Variants in PRP4K observed in about 807,000 individuals in gnomAD.
PRP4K encodes pre-mRNA processing factor kinase PRP4K.
At chr6:4,037,082 A>G in the PRP4K span, among the ~76,000 whole-genome samples, 1 of 151,806 alleles carries the variant, frequency 6.6e-6, no homozygotes, top group Non-Finnish European at 1.5e-5. Context: ...GAGTAAATGG[A>G]GTATTATACT....
the PRP4K span, chr6:4,048,970 T>TGTTTTAAAGGAA: frequency 7.1e-7 from 1 of 1,413,132 alleles, no homozygotes. Context: ...GTGCGTTAAA[T>TGTTTTAAAGGAA]GTCTGACAAG....
At chr6:4,032,856 A>G in the PRP4K span, 6 of 1,253,916 alleles carry the variant, frequency 4.8e-6, no homozygotes, top group Non-Finnish European at 6.2e-6. Flanking sequence ...GTAAGTAAAA[A>G]TAAAAATAAA....
chr6:4,041,497 G>A, the PRP4K span, among the ~76,000 whole-genome samples: 3 of 152,120 alleles, frequency 2.0e-5, no homozygotes, highest in Admixed American at 6.6e-5. Context: ...AGGTTGAAGT[G>A]AGCTTGATCA....
the PRP4K span, among the ~76,000 whole-genome samples, chr6:4,029,542 G>A: frequency 2.6e-5 from 4 of 151,774 alleles, no homozygotes; most frequent in Non-Finnish European, 5.9e-5. Context: ...TAATAAAGAT[G>A]AGGTCTCACT....
the PRP4K span, chr6:4,048,930 C>A: frequency 2.6e-6 from 2 of 761,378 alleles, no homozygotes; most frequent in Non-Finnish European, 2.1e-6. Flanking sequence ...TAAATTATAT[C>A]TGGTGTTACC....
At chr6:4,031,328 C>T in the PRP4K span, among the ~76,000 whole-genome samples, 2 of 152,248 alleles carry the variant, frequency 1.3e-5, no homozygotes, top group Admixed American at 6.5e-5. Flanking sequence ...TCCTCTAATA[C>T]TTTTGGTGAG....
the PRP4K span, among the ~76,000 whole-genome samples, chr6:4,057,879 C>T: frequency 1.3e-5 from 2 of 151,692 alleles, no homozygotes; most frequent in Admixed American, 6.6e-5. Context: ...CTCAGCCTCC[C>T]GAGTAGCTAT....
the PRP4K span, among the ~76,000 whole-genome samples, chr6:4,033,690 T>G: frequency 6.6e-6 from 1 of 152,210 alleles, no homozygotes; most frequent in Admixed American, 6.5e-5. Flanking sequence ...CATAATAATA[T>G]TTTCTGTGAA....
At chr6:4,049,410 C>A in the PRP4K span, 1 of 451,278 alleles carries the variant, frequency 2.2e-6, no homozygotes, top group Admixed American at 3.9e-5. Flanking sequence ...GATCTGAAAC[C>A]AAGAAAAACG....
At chr6:4,024,199 CAG>C in the PRP4K span, among the ~76,000 whole-genome samples, 7 of 152,064 alleles carry the variant, frequency 4.6e-5, no homozygotes, top group Admixed American at 3.9e-4. Context: ...TTTGTAGAGG[CAG>C]AGTCTTCCCA....
chr6:4,027,935 C>G, the PRP4K span, among the ~76,000 whole-genome samples: 1 of 152,022 alleles, frequency 6.6e-6, no homozygotes, highest in African/African-American at 2.4e-5. Context: ...ATTTTATACG[C>G]CTAAAGATCA....
the PRP4K span, chr6:4,021,401 C>T: frequency 2.5e-6 from 4 of 1,571,244 alleles, no homozygotes; most frequent in Admixed American, 7.6e-5. Flanking sequence ...GCCGCCACCG[C>T]CGCCGAGGAG....
chr6:4,040,034 C>G, the PRP4K span, among the ~76,000 whole-genome samples: 2 of 151,906 alleles, frequency 1.3e-5, no homozygotes, highest in Admixed American at 1.3e-4. Flanking sequence ...TAGGCACGCA[C>G]CACCACACCC....
the PRP4K span, among the ~76,000 whole-genome samples, chr6:4,045,591 G>T: frequency 3.3e-5 from 5 of 152,148 alleles, no homozygotes; most frequent in African/African-American, 1.2e-4. Flanking sequence ...AGATTATTGG[G>T]GTTTATTAAC....
chr6:4,058,568 G>T, the PRP4K span, among the ~76,000 whole-genome samples: 2 of 152,194 alleles, frequency 1.3e-5, no homozygotes, highest in African/African-American at 2.4e-5. Flanking sequence ...ATTTGCTTTT[G>T]CAAAGATGTT....
At chr6:4,054,980 A>ACATACATTTAAGAAATGTTTTCC in the PRP4K span, among the ~76,000 whole-genome samples, 2 of 152,264 alleles carry the variant, frequency 1.3e-5, no homozygotes, top group Non-Finnish European at 2.9e-5. Context: ...ATAGGTTTTC[A>ACATACATTTAAGAAATGTTTTCC]CATACATTTA....
chr6:4,060,468 T>C, the PRP4K span: 1 of 1,613,900 alleles, frequency 6.2e-7, no homozygotes, highest in South Asian at 1.1e-5. The surrounding 1 kb of genome is among the most constrained non-coding windows in gnomAD (Gnocchi z 4.7). Context: ...TTGGCTGACT[T>C]GATTGGGTGC....
At chr6:4,037,081 G>A in the PRP4K span, among the ~76,000 whole-genome samples, 1 of 151,922 alleles carries the variant, frequency 6.6e-6, no homozygotes, top group African/African-American at 2.4e-5. Flanking sequence ...TGAGTAAATG[G>A]AGTATTATAC....
the PRP4K span, among the ~76,000 whole-genome samples, chr6:4,042,863 G>A: frequency 2.0e-5 from 3 of 152,146 alleles, no homozygotes; most frequent in Non-Finnish European, 4.4e-5. Context: ...GAACACGTAT[G>A]AGTATAGAAT....
Sources: allele counts gnomAD v4.1 joint callset (sites outside exome capture counted in the v4.1 genomes callset), GRCh38; gene constraint gnomAD v4.1.1; non-coding constraint Gnocchi (gnomAD v3.1); transcripts MANE v1.5; gene names NCBI Gene and HGNC (gene_info 2026-07-23, HGNC 2026-07-21).